The following PRKCA variants were observed in gnomAD, a reference collection of about 807,000 sequenced individuals.
PRKCA encodes protein kinase C alpha.
Under a neutral mutation model 87.0 loss-of-function variants are expected in PRKCA, and 27 were observed. The observed-to-expected ratio is 0.31, with a 90% confidence interval of 0.23 to 0.43. The LOEUF is 0.43. PRKCA is among the 20% of genes least tolerant of loss of function. PRKCA has a pLI of 1.00. For synonymous variants in PRKCA, 329 were observed against 311.1 expected (o/e 1.06, Z -0.61); for missense variants, 518 against 852.3 (o/e 0.61, Z 4.88).
chr17:66,780,240 T>G (rs899046589), intron 14 of PRKCA, among the ~76,000 whole-genome samples: 2 of 152,178 alleles, frequency 1.3e-5, no homozygotes, highest in Admixed American at 6.5e-5. Context: ...ATTGTAAATG[T>G]GCCATGGAAC....
chr17:66,401,840 G>A (rs1232186507), intron 2 of PRKCA, among the ~76,000 whole-genome samples: 1 of 152,182 alleles, frequency 6.6e-6, no homozygotes, highest in African/African-American at 2.4e-5. Context: ...AGGGTGGACA[G>A]GATCAATTCC....
At chr17:66,391,210 C>T (rs6504424) in intron 2 of PRKCA, among the ~76,000 whole-genome samples, 95,792 of 152,050 alleles carry the variant, frequency 0.63, 30,855 homozygotes, top group Non-Finnish European at 0.71. Context: ...TGGATTGTTT[C>T]ACCCTGTCCC....
chr17:66,319,008 G>T (rs1262298094), intron 2 of PRKCA, among the ~76,000 whole-genome samples: 1 of 151,926 alleles, frequency 6.6e-6, no homozygotes, highest in Non-Finnish European at 1.5e-5. Context: ...ATTTTTATTA[G>T]CCTATAGTCC....
At chr17:66,761,610 C>T (rs1376965297) in intron 13 of PRKCA, among the ~76,000 whole-genome samples, 1 of 151,702 alleles carries the variant, frequency 6.6e-6, no homozygotes, top group African/African-American at 2.4e-5. Flanking sequence ...GCACTTACCA[C>T]CACACCCGGC....
chr17:66,638,570 C>A (rs1005626323), intron 3 of PRKCA, among the ~76,000 whole-genome samples: 8 of 152,122 alleles, frequency 5.3e-5, no homozygotes, highest in African/African-American at 1.9e-4. Flanking sequence ...ATTCTCAAAT[C>A]TGTGTCTTTA....
intron 3 of PRKCA, among the ~76,000 whole-genome samples, chr17:66,553,112 G>T (rs1968392719): frequency 1.3e-5 from 2 of 152,012 alleles, no homozygotes; most frequent in Admixed American, 1.3e-4. Flanking sequence ...CTCCCAGGTA[G>T]CTGGGACTAC....
chr17:66,427,718 A>G (rs1458726220), intron 2 of PRKCA, among the ~76,000 whole-genome samples: 3 of 152,226 alleles, frequency 2.0e-5, no homozygotes, highest in African/African-American at 4.8e-5. Context: ...GGGGGGATTT[A>G]TAACATCAAG....
chr17:66,339,560 T>A (rs1486253107), intron 2 of PRKCA, among the ~76,000 whole-genome samples: 1 of 152,226 alleles, frequency 6.6e-6, no homozygotes, highest in Non-Finnish European at 1.5e-5. Context: ...ATAAAGCAAG[T>A]TTAGTTTTTA....
chr17:66,583,594 C>CA (rs58515241), intron 3 of PRKCA, among the ~76,000 whole-genome samples: 6,417 of 133,554 alleles, frequency 0.048, 298 homozygotes, highest in East Asian at 0.16. Context: ...TTAAATGAAC[C>CA]AAAAAAAAAA....
chr17:66,489,700 A>G (rs1217885887), intron 2 of PRKCA, among the ~76,000 whole-genome samples: 1 of 151,624 alleles, frequency 6.6e-6, no homozygotes, highest in Non-Finnish European at 1.5e-5. Flanking sequence ...AATGGAAGCA[A>G]ATTCATTCTT....
intron 3 of PRKCA, among the ~76,000 whole-genome samples, chr17:66,528,238 A>AAG (rs1967413839): frequency 6.6e-6 from 1 of 151,870 alleles, no homozygotes; most frequent in Non-Finnish European, 1.5e-5. Flanking sequence ...AAAAAAAAAA[A>AAG]AAAAAAGATG....
chr17:66,717,562 GCT>G (rs1973508748), intron 8 of PRKCA, among the ~76,000 whole-genome samples: 1 of 152,168 alleles, frequency 6.6e-6, no homozygotes. Flanking sequence ...AATTCTAAAA[GCT>G]CTGTCATCCT....
At chr17:66,473,956 A>C (rs1022348695) in intron 2 of PRKCA, among the ~76,000 whole-genome samples, 1 of 152,156 alleles carries the variant, frequency 6.6e-6, no homozygotes, top group South Asian at 2.1e-4. Flanking sequence ...AAAACAAAAA[A>C]GCTCAAGCCA....
intron 3 of PRKCA, among the ~76,000 whole-genome samples, chr17:66,621,553 C>T (rs1970681049): frequency 6.6e-6 from 1 of 152,164 alleles, no homozygotes; most frequent in Non-Finnish European, 1.5e-5. Flanking sequence ...TTCATATCTT[C>T]ATTAGAACCA....
At position 66,441,162 on chromosome 17, in the gene PRKCA, C is replaced by CAA. The variant is rs199828612; in HGVS notation, c.206-55014_206-55013dup. On this transcript the variant is annotated intron_variant, in intron 2 of 16. Coordinates refer to ENST00000413366, the MANE Select transcript of PRKCA (RefSeq NM_002737.3). ...GGGAGACAAAGCGAAACTCTGTCTC[C>CAA]AAAAAAAAAAAAAAAAAAAAAAAAA... Among the ~76,000 whole-genome samples the CAA allele has an allele frequency of 1.2e-3, 129 of 107,196 alleles. 4 individuals are homozygous for CAA. Among genetic ancestry groups the CAA allele is most frequent in the African/African-American group, 3.1e-3 (79 of 25,170 alleles). The allele number at this position is 107,196 out of a possible 152,430, so 70.3% of individuals were successfully genotyped here. A position where few individuals can be genotyped will look rare whatever the true frequency, so the allele number is the denominator to read the frequency against.
Position 66,336,644 on chromosome 17 carries a change from A to AATT in PRKCA, c.205+30522_205+30524dup, listed in dbSNP as rs1362106900. On this transcript the variant is annotated intron_variant, in intron 2 of 16. Coordinates refer to ENST00000413366, the MANE Select transcript of PRKCA (RefSeq NM_002737.3). ...ATTTAAAAGTACCTGTTATATAGTAAATTATTAAACATTTGCCTATATAGT... is the reference window on the plus strand; with the variant it reads ...ATTTAAAAGTACCTGTTATATAGTAAATTATTATTAAACATTTGCCTATATAGT... Among the ~76,000 whole-genome samples, 14 of 131,914 alleles carry AATT rather than the reference A, an allele frequency of 1.1e-4. No individual in the cohort carries two copies. In the South Asian group the frequency reaches 3.2e-3, roughly 30 times the overall value. The allele number at this position is 131,914 out of a possible 152,430, so 86.5% of individuals were successfully genotyped here. A position where few individuals can be genotyped will look rare whatever the true frequency, so the allele number is the denominator to read the frequency against.
chr17:66,309,954 G>A (rs951982569), intron 2 of PRKCA, among the ~76,000 whole-genome samples: 3 of 152,148 alleles, frequency 2.0e-5, no homozygotes, highest in African/African-American at 4.8e-5. Flanking sequence ...AGAACAGAGC[G>A]ATCCACTGTA....
At chr17:66,706,244 C>CTTCA (rs1973188595) in intron 8 of PRKCA, among the ~76,000 whole-genome samples, 2 of 152,184 alleles carry the variant, frequency 1.3e-5, no homozygotes. Flanking sequence ...CAAGGATAGA[C>CTTCA]TTCATCACCC....
rs1028967963 is a variant in PRKCA, at chr17:66,805,224, A to G, written c.*1187A>G. On this transcript the variant is annotated 3_prime_UTR_variant, in exon 17 of 17. Transcript: ENST00000413366. The stretch of plus-strand genomic sequence containing the variant: ...GGAAACCCGGATGCCTAACAGCTCA[A>G]AGATGTTTTGTTAATAGAAGGATTT... 63 of 847,194 alleles carry G rather than the reference A, an allele frequency of 7.4e-5. No homozygotes were observed. Among genetic ancestry groups the G allele is most frequent in the Non-Finnish European group, 8.5e-5 (60 of 704,142 alleles). The allele number at this position is 847,194 out of a possible 1,614,324, so 52.5% of individuals were successfully genotyped here.
Sources: allele counts gnomAD v4.1 joint callset (sites outside exome capture counted in the v4.1 genomes callset), GRCh38; gene constraint gnomAD v4.1.1; transcripts MANE v1.5; gene names NCBI Gene and HGNC (gene_info 2026-07-23, HGNC 2026-07-21).